Variants in ROBO2 observed in about 807,000 individuals in gnomAD.
ROBO2 encodes roundabout guidance receptor 2.
A neutral mutation model predicts 160.8 loss-of-function variants in ROBO2; 53 were observed. The observed-to-expected ratio is 0.33, with a 90% CI of 0.26 to 0.41. The LOEUF is 0.41. ROBO2 is among the 10% of genes least tolerant of loss of function. The pLI, the probability that ROBO2 is intolerant of heterozygous loss-of-function variation, is 1.00. For synonymous variants in ROBO2, 664 were observed against 611.7 expected, an observed-to-expected ratio of 1.09 and a Z score of -1.26; for missense variants, 1,577 against 1,722.4, an observed-to-expected ratio of 0.92 and a Z score of 1.49.
chr3:76,831,505 A>G (rs1462491333), intron 2 of ROBO2, among the ~76,000 whole-genome samples: 1 of 152,214 alleles, frequency 6.6e-6, no homozygotes, highest in Non-Finnish European at 1.5e-5. Flanking sequence ...TCTTCTAAAG[A>G]GAAAAAATAT....
intron 2 of ROBO2, among the ~76,000 whole-genome samples, chr3:77,261,633 C>T (rs752783351): frequency 6.6e-6 from 1 of 152,070 alleles, no homozygotes; most frequent in Non-Finnish European, 1.5e-5. Flanking sequence ...ATGCTCACAG[C>T]TGCATGCATG....
At chr3:77,178,429 C>T (rs1039497057) in intron 2 of ROBO2, among the ~76,000 whole-genome samples, 1 of 151,980 alleles carries the variant, frequency 6.6e-6, no homozygotes, top group Non-Finnish European at 1.5e-5. Context: ...TGTGTTTGCT[C>T]TCAACTCATG....
At chr3:76,426,151 A>T (rs900391066) in intron 2 of ROBO2, among the ~76,000 whole-genome samples, 3 of 152,152 alleles carry the variant, frequency 2.0e-5, no homozygotes, top group Non-Finnish European at 4.4e-5. Flanking sequence ...TTTTTGAAAA[A>T]GTTTGGAAAA....
chr3:77,286,730 C>T (rs2060628430), intron 2 of ROBO2, among the ~76,000 whole-genome samples: 1 of 152,078 alleles, frequency 6.6e-6, no homozygotes, highest in Admixed American at 6.6e-5. Context: ...TGAGGCTTTC[C>T]CTTATCCTTC....
intron 2 of ROBO2, among the ~76,000 whole-genome samples, chr3:77,421,739 G>A (rs1483357699): frequency 2.6e-5 from 4 of 151,870 alleles, no homozygotes; most frequent in Non-Finnish European, 5.9e-5. Context: ...ATGATAAGCA[G>A]ATAGATATAG....
intron 13 of ROBO2, among the ~76,000 whole-genome samples, chr3:77,572,051 G>C (rs192213658): frequency 6.6e-6 from 1 of 152,038 alleles, no homozygotes; most frequent in Admixed American, 6.6e-5. Context: ...GCTTCATAAA[G>C]TCCCTAAAAC....
chr3:77,078,311 G>A (rs2068233008), intron 1 of ROBO2, among the ~76,000 whole-genome samples: 1 of 152,154 alleles, frequency 6.6e-6, no homozygotes, highest in African/African-American at 2.4e-5. Context: ...GTTGACACAT[G>A]TTTTCCTGGG....
At chr3:77,332,519 T>C (rs2066076126) in intron 2 of ROBO2, among the ~76,000 whole-genome samples, 1 of 152,212 alleles carries the variant, frequency 6.6e-6, no homozygotes, top group Non-Finnish European at 1.5e-5. Context: ...TAGTTATGTA[T>C]GTAATCTCAG....
Position 77,128,664 on chromosome 3 carries a change from G to A in ROBO2, c.388+30324G>A, listed in dbSNP as rs114320220. On this transcript the variant is annotated intron_variant, in intron 2 of 25. Transcript: ENST00000461745. Reference sequence around the variant, plus strand: ...TTTTTCTTCACCATGATATTTAATGGTGGACCTTTCATCCCATGTTCTGTG... The same window carrying A: ...TTTTTCTTCACCATGATATTTAATGATGGACCTTTCATCCCATGTTCTGTG... Among the ~76,000 whole-genome samples the A allele has an allele frequency of 6.1e-3, 930 of 152,164 alleles. 11 individuals carry two copies. Among genetic ancestry groups the A allele is most frequent in the African/African-American group, 0.021 (889 of 41,508 alleles).
chr3:77,143,294 A>G (rs2076865435), intron 2 of ROBO2, among the ~76,000 whole-genome samples: 1 of 149,166 alleles, frequency 6.7e-6, no homozygotes, highest in Non-Finnish European at 1.5e-5. Flanking sequence ...TCCCAGGTTC[A>G]AGCAATTCTC....
At chr3:77,582,168 C>A (rs529878834) in intron 16 of ROBO2, among the ~76,000 whole-genome samples, 5 of 152,126 alleles carry the variant, frequency 3.3e-5, no homozygotes, top group African/African-American at 1.2e-4. Context: ...GTTAGGTGAT[C>A]TCTGCTCACT....
At chr3:77,547,037 C>T (rs2092724152) in intron 7 of ROBO2, among the ~76,000 whole-genome samples, 2 of 152,052 alleles carry the variant, frequency 1.3e-5, no homozygotes. Flanking sequence ...ACATAGTACA[C>T]TAGAAGGAAC....
intron 2 of ROBO2, among the ~76,000 whole-genome samples, chr3:76,966,793 G>T (rs1388243806): frequency 6.6e-6 from 1 of 152,132 alleles, no homozygotes; most frequent in Admixed American, 6.6e-5. Flanking sequence ...AAAATGCCCG[G>T]TATACCGTAA....
At chr3:76,219,927 C>G (rs1291579429) in intron 2 of ROBO2, among the ~76,000 whole-genome samples, 1 of 151,786 alleles carries the variant, frequency 6.6e-6, no homozygotes, top group East Asian at 1.9e-4. Flanking sequence ...GGAACCAACC[C>G]AAATGTCCAA....
At position 76,055,203 on chromosome 3, in the gene ROBO2, A is replaced by T. The variant is rs141536083; in HGVS notation, c.109+117601A>T. ...GAACAGCATGGAAAAAACCGCCTCC[A>T]TGATTCAATATCTCCCACGGGGTCC... On this transcript the variant is annotated intron_variant, in intron 2 of 26. Coordinates refer to the ROBO2 transcript ENST00000487694. Among the ~76,000 whole-genome samples, 333 of 152,264 alleles carry T rather than the reference A, an allele frequency of 2.2e-3. 1 individual carries two copies. Among genetic ancestry groups the T allele is most frequent in the African/African-American group, 7.7e-3 (320 of 41,570 alleles).
intron 2 of ROBO2, among the ~76,000 whole-genome samples, chr3:75,985,750 G>A (rs635952): frequency 0.71 from 108,015 of 151,298 alleles, 41,403 homozygotes; most frequent in South Asian, 0.89. Context: ...CATTCTTTTC[G>A]TCTGTGATTT....
At chr3:77,548,629 T>C (rs965052065) in intron 7 of ROBO2, among the ~76,000 whole-genome samples, 1 of 152,064 alleles carries the variant, frequency 6.6e-6, no homozygotes, top group African/African-American at 2.4e-5. Flanking sequence ...AACAATTAAA[T>C]AGCATTTCAG....
chr3:76,538,284 CTATT>C (rs1418901977), intron 2 of ROBO2, among the ~76,000 whole-genome samples: 1 of 152,106 alleles, frequency 6.6e-6, no homozygotes, highest in African/African-American at 2.4e-5. Context: ...AAAGTTTCCT[CTATT>C]TATTTGTCCC....
At chr3:76,857,132 C>A (rs575269376) in intron 2 of ROBO2, among the ~76,000 whole-genome samples, 1 of 152,074 alleles carries the variant, frequency 6.6e-6, no homozygotes, top group South Asian at 2.1e-4. Context: ...ACTACAGGCG[C>A]CCGCCACCAC....
Sources: gnomAD v4.1 joint callset for allele counts (sites outside exome capture counted in the v4.1 genomes callset) on GRCh38, gnomAD v4.1.1 for gene constraint, MANE v1.5 for transcripts, NCBI Gene and HGNC (gene_info 2026-07-23, HGNC 2026-07-21) for gene names.